MCAM: variants seen among roughly 807,000 people sequenced by gnomAD.
MCAM encodes the protein melanoma cell adhesion molecule.
MCAM carries 55 observed loss-of-function variants against 79.1 expected under a neutral mutation model. The ratio of observed to expected loss-of-function variants is 0.70; its 90% CI spans 0.56 to 0.87. The LOEUF is 0.87. Ranked by LOEUF, MCAM falls within the 40% of genes least tolerant of loss-of-function variation. MCAM has a pLI of 0.00. For synonymous variants in MCAM, 330 were observed against 339.8 expected (o/e 0.97, Z 0.32); for missense variants, 745 against 839.8 (o/e 0.89, Z 1.40).
At position 119,315,432 on chromosome 11, in the gene MCAM, C is replaced by G. The variant is rs1200429137; in HGVS notation, c.68-169G>C. Reference sequence around the variant, plus strand: ...CCGACCCGCGCCCCACCTGGGCCAGCCCTCTCCCCGTCCAGGAGATCCCAG... The same window carrying G: ...CCGACCCGCGCCCCACCTGGGCCAGGCCTCTCCCCGTCCAGGAGATCCCAG... On this transcript the variant is annotated intron_variant, in intron 1 of 15. Coordinates refer to ENST00000264036, the MANE Select transcript of MCAM (RefSeq NM_006500.3). This position sits in a 1 kb window ranked among gnomAD's most constrained non-coding sequence, Gnocchi z 4.4. 1 of 776,124 alleles carries G rather than the reference C, an allele frequency of 1.3e-6. No individual in the cohort carries two copies. Among genetic ancestry groups the G allele is most frequent in the Non-Finnish European group, 2.0e-6 (1 of 495,500 alleles). The allele number at this position is 776,124 out of a possible 1,614,324, so 48.1% of individuals were successfully genotyped here. A position where few individuals can be genotyped will look rare whatever the true frequency, so the allele number is the denominator to read the frequency against.
Position 119,312,804 on chromosome 11 carries a change from C to T in MCAM, c.705G>A (p.Met235Ile), listed in dbSNP as rs1950254244. The T allele has an allele frequency of 1.9e-6, 3 of 1,614,210 alleles. No homozygotes were observed. The highest frequency in any genetic ancestry group is 1.6e-4 in the Middle Eastern group (1 of 6,062). Residue 235 changes from methionine to isoleucine, a missense_variant, in exon 6 of 16, where the codon ATG becomes ATA. By Grantham distance (10) the Met-to-Ile change is conservative. Transcript: ENST00000264036. The surrounding 1 kb of genome is among the most constrained non-coding windows in gnomAD (Gnocchi z 4.9). ...LNYRLPSGNH[M>I]KESREVTVPV... ...GGACGGTGACTTCCCTGGACTCCTT[C>T]ATGTGGTTCCCACTGGGCAGCCGGT...
Position 119,315,327 on chromosome 11 carries a change from C to T in MCAM, c.68-64G>A. 5 of 1,543,072 alleles carry T rather than the reference C, an allele frequency of 3.2e-6. No individual in the cohort carries two copies. The highest frequency in any genetic ancestry group is 4.4e-6 in the Non-Finnish European group (5 of 1,148,076). ...TCCGGCTGCTGTCCGCCCCTCCCCT[C>T]GCAGCGCTGCTGCAGCTGTTTTTCC... On this transcript the variant is annotated intron_variant, in intron 1 of 15. Coordinates refer to ENST00000264036, the MANE Select transcript of MCAM (RefSeq NM_006500.3). This position sits in a 1 kb window ranked among gnomAD's most constrained non-coding sequence, Gnocchi z 4.4.
At chr11:119,313,005 C>A in intron 5 of MCAM, 56 bp from the exon 6 acceptor site, 1 of 1,610,702 alleles carries the variant, frequency 6.2e-7, no homozygotes. Flanking sequence ...CCAGCCCCAC[C>A]CTAGGGTTGT....
At position 119,311,697 on chromosome 11, in the gene MCAM, C is replaced by T; in HGVS notation, c.1286-46G>A. ...TGAGGTGGCAAGCCCAGCTAGCCTG[C>T]CTCCCCCTCCGCACCAGAGCTCCCC... is the stretch of plus-strand genomic sequence containing the variant. On this transcript the variant is annotated intron_variant, in intron 10 of 15. Transcript: ENST00000264036. The surrounding 1 kb of genome is among the most constrained non-coding windows in gnomAD (Gnocchi z 4.4). 1 of 1,612,064 alleles carries T rather than the reference C, an allele frequency of 6.2e-7. No individual in the cohort carries two copies. Among genetic ancestry groups the T allele is most frequent in the Non-Finnish European group, 8.5e-7 (1 of 1,178,736 alleles).
rs760803136 is a variant in MCAM, at chr11:119,312,090, T to C, written c.1105A>G (p.Ser369Gly). ...CACTGGAACTCGAGGTCCTGGCTAC[T>C]CTCTGCCTCACAGGTCAGGGTGAGG... ...SSLTLTCEAE[S>G]SQDLEFQWLR... The change falls in exon 9 of 16, where the codon AGT (serine) becomes GGT (glycine). Residue 369 changes from serine to glycine, a missense_variant. Coordinates refer to ENST00000264036, the MANE Select transcript of MCAM (RefSeq NM_006500.3). The surrounding 1 kb of genome is among the most constrained non-coding windows in gnomAD (Gnocchi z 4.9). 1 of 1,606,472 alleles carries C rather than the reference T, an allele frequency of 6.2e-7. No homozygotes were observed. The highest frequency in any genetic ancestry group is 1.1e-5 in the South Asian group (1 of 90,764).
Position 119,311,907 on chromosome 11 carries a change from C to T in MCAM, c.1186G>A (p.Asp396Asn). ...CCGCCTCCTGCCTCCCGTTTCAGGT[C>T]ATGCAACTGAAGCACAGGCCCCCTT... ...LERGPVLQLH[D>N]LKREAGGGYR... Residue 396 changes from aspartate (D) to asparagine (N), a missense_variant, in exon 10 of 16, where the codon GAC (aspartate) becomes AAC (asparagine). Transcript: ENST00000264036. This position sits in a 1 kb window ranked among gnomAD's most constrained non-coding sequence, Gnocchi z 4.4. The T allele has an allele frequency of 6.2e-7, 1 of 1,614,056 alleles. No homozygotes were observed. Among genetic ancestry groups the T allele is most frequent in the East Asian group, 2.2e-5 (1 of 44,872 alleles).
In MCAM at chr11:119,310,402, C is replaced by G; in HGVS notation, c.1858G>C (p.Glu620Gln). 6.2e-7 allele frequency: 1 copy of G among 1,614,164 alleles called. No homozygotes were observed. The highest frequency in any genetic ancestry group is 8.5e-7 in the Non-Finnish European group (1 of 1,179,998). Residue 620 changes from glutamate to glutamine, a missense_variant, in exon 15 of 16, where the codon GAG becomes CAG. Transcript: ENST00000264036. ...CTGCTGCCCTGCAGGAGGCCCATCT[C>G]TTCTGGGAGCTTATCTGACTTAACT... ...VEVKSDKLPE[E>Q]MGLLQGSSGD...
At chr11:119,310,272 TAGAG>T (rs1053485163) in intron 15 of MCAM, 73 bp downstream of exon 15, 108 of 958,874 alleles carry the variant, frequency 1.1e-4, no homozygotes, top group Non-Finnish European at 1.5e-4. Context: ...GGATGAAGGA[TAGAG>T]AGAACCGTTA....
rs1422211063 is a variant in MCAM at position 119,310,448 on chromosome 11, A to C, written c.1812T>G (p.Arg604=). ...TAACTTCAACTACAAGTTCGCTCTT[A>C]CGAGACGGGGGTAGCGTGCTGGGAG... ...GKQEITLPPS[R]KSELVVEVKS... Residue 604 remains arginine, a synonymous_variant, in exon 15 of 16, where the codon CGT becomes CGG. Transcript: ENST00000264036. 3.7e-6 allele frequency: 6 copies of C among 1,613,084 alleles called. No homozygotes were observed. The highest frequency in any genetic ancestry group is 5.1e-6 in the Non-Finnish European group (6 of 1,179,120).
Position 119,316,994 on chromosome 11 carries a change from G to A in MCAM, c.67+41C>T. The stretch of plus-strand genomic sequence containing the variant: ...CTGCTCCCTGGCACGCTCCACCGCA[G>A]ACCCCTAGCCGGGGCGCGGCCCCCC... On this transcript the variant is annotated intron_variant, in intron 1 of 15. Transcript: ENST00000264036. The surrounding 1 kb of genome is among the most constrained non-coding windows in gnomAD (Gnocchi z 4.8). 6.7e-7 allele frequency: 1 copy of A among 1,500,222 alleles called. No individual in the cohort carries two copies. The highest frequency in any genetic ancestry group is 8.9e-7 in the Non-Finnish European group (1 of 1,120,300). The allele number at this position is 1,500,222 out of a possible 1,614,324, so 92.9% of individuals were successfully genotyped here.
rs980164376 is a variant in MCAM at position 119,309,640 on chromosome 11, G to T, written c.*246C>A. The T allele has an allele frequency of 3.6e-6, 2 of 551,270 alleles. No individual in the cohort carries two copies. Among genetic ancestry groups the T allele is most frequent in the Non-Finnish European group, 6.4e-6 (2 of 311,630 alleles). The allele number at this position is 551,270 out of a possible 1,614,324, so 34.1% of individuals were successfully genotyped here. A position where few individuals can be genotyped will look rare whatever the true frequency, so the allele number is the denominator to read the frequency against. On this transcript the variant is annotated 3_prime_UTR_variant, in exon 16 of 16. Coordinates refer to ENST00000264036, the MANE Select transcript of MCAM (RefSeq NM_006500.3). Reference sequence around the variant, plus strand: ...TCTCCTACCCGCTCGGGAGACTGGGGCTCCTTGCTTGGGATGAGCTTCACT... The same window carrying T: ...TCTCCTACCCGCTCGGGAGACTGGGTCTCCTTGCTTGGGATGAGCTTCACT...
In MCAM at chr11:119,311,251, G is replaced by A. The variant is rs1300068907; in HGVS notation, c.1549+29C>T. Reference sequence around the variant, plus strand: ...ACTGCCCGTGCCTGGGCCTGCCCCTGCCATCCCCTGCAGGGATGCAGCCCT... The same window carrying A: ...ACTGCCCGTGCCTGGGCCTGCCCCTACCATCCCCTGCAGGGATGCAGCCCT... On this transcript the variant is annotated intron_variant, in intron 12 of 15. Transcript: ENST00000264036. This position sits in a 1 kb window ranked among gnomAD's most constrained non-coding sequence, Gnocchi z 4.4. 3.1e-6 allele frequency: 5 copies of A among 1,613,482 alleles called. No homozygotes were observed. Among genetic ancestry groups the A allele is most frequent in the Non-Finnish European group, 4.2e-6 (5 of 1,179,442 alleles).
rs1219177598 is a variant in MCAM at position 119,316,966 on chromosome 11, G to T, written c.67+69C>A. On this transcript the variant is annotated intron_variant, in intron 1 of 15. Coordinates refer to ENST00000264036, the MANE Select transcript of MCAM (RefSeq NM_006500.3). This position sits in a 1 kb window ranked among gnomAD's most constrained non-coding sequence, Gnocchi z 4.8. ...ACGCCCCGACCCCGCCGCGCCGCTG[G>T]CTCTGCTCCCTGGCACGCTCCACCG... The T allele has an allele frequency of 2.9e-6, 4 of 1,372,494 alleles. No homozygotes were observed. The African/African-American group carries it at 4.5e-5, about 15-fold the overall frequency. The allele number at this position is 1,372,494 out of a possible 1,614,324, so 85.0% of individuals were successfully genotyped here.
At position 119,315,009 on chromosome 11, in the gene MCAM, C is replaced by A. The variant is rs1220671330; in HGVS notation, c.224G>T (p.Arg75Leu). The A allele has an allele frequency of 6.2e-7, 1 of 1,608,940 alleles. No individual in the cohort carries two copies. The highest frequency in any genetic ancestry group is 1.3e-5 in the African/African-American group (1 of 74,916). ...VHKEKRTLIF[R>L]VRQGQGQSEP... Reference sequence around the variant, plus strand: ...GCTCTGGCCCTGGCCCTGGCGCACACGGAAGATGAGCGTCCGCTTCTCCTT... The same window carrying A: ...GCTCTGGCCCTGGCCCTGGCGCACAAGGAAGATGAGCGTCCGCTTCTCCTT... Residue 75 changes from arginine to leucine, a missense_variant, in exon 3 of 16, where the codon CGT becomes CTT. By Grantham distance (102) the Arg-to-Leu change is moderately radical (BLOSUM62 -2). Coordinates refer to ENST00000264036, the MANE Select transcript of MCAM (RefSeq NM_006500.3). This position sits in a 1 kb window ranked among gnomAD's most constrained non-coding sequence, Gnocchi z 4.4.
rs1950243476 is a variant in MCAM, at chr11:119,312,165, A to G, written c.1030T>C (p.Ser344Pro). ...EPQELLVNYV[S>P]DVRVSPAAPE... Reference sequence around the variant, plus strand: ...GCTGCGGGACTCACTCGGACGTCAGACACATCTGGGGGTACAGCAATCATG... The same window carrying G: ...GCTGCGGGACTCACTCGGACGTCAGGCACATCTGGGGGTACAGCAATCATG... The change falls in exon 9 of 16, where the codon TCT (serine) becomes CCT (proline). Residue 344 changes from serine (S) to proline (P), a missense_variant. Physicochemically the swap from Ser to Pro is moderately conservative, Grantham distance 74. Coordinates refer to ENST00000264036, the MANE Select transcript of MCAM (RefSeq NM_006500.3). This position sits in a 1 kb window ranked among gnomAD's most constrained non-coding sequence, Gnocchi z 4.9. The G allele has an allele frequency of 6.2e-7, 1 of 1,612,580 alleles. No homozygotes were observed. Among genetic ancestry groups the G allele is most frequent in the Non-Finnish European group, 8.5e-7 (1 of 1,179,206 alleles).
At position 119,309,818 on chromosome 11, in the gene MCAM, G is replaced by A. The variant is rs1487067137; in HGVS notation, c.*68C>T. The A allele has an allele frequency of 1.4e-6, 2 of 1,475,934 alleles. No individual in the cohort carries two copies. The highest frequency in any genetic ancestry group is 9.3e-7 in the Non-Finnish European group (1 of 1,071,898). The allele number at this position is 1,475,934 out of a possible 1,614,324, so 91.4% of individuals were successfully genotyped here. A position where few individuals can be genotyped will look rare whatever the true frequency, so the allele number is the denominator to read the frequency against. On this transcript the variant is annotated 3_prime_UTR_variant, in exon 16 of 16. Transcript: ENST00000264036. ...CTCTCTAGTCCCTTTGGAGGCTTTG[G>A]CTGAGAGAAGAGTGAGCAGGGAGCT...
chr11:119,311,005 C>T lies in MCAM; in HGVS notation c.1645+85G>A. 1 of 1,613,922 alleles carries T rather than the reference C, an allele frequency of 6.2e-7. No homozygotes were observed. The highest frequency in any genetic ancestry group is 8.5e-7 in the Non-Finnish European group (1 of 1,179,842). On this transcript the variant is annotated intron_variant, in intron 13 of 15. Transcript: ENST00000264036. This position sits in a 1 kb window ranked among gnomAD's most constrained non-coding sequence, Gnocchi z 4.4. ...GCCGACAAGATGGGGCTGCTACTCA[C>T]CTTTCTGGACAGGGCTCTCTGGGGA...
chr11:119,310,826 G>C lies in MCAM; in HGVS notation c.1723C>G (p.Leu575Val). 1 of 1,614,192 alleles carries C rather than the reference G, an allele frequency of 6.2e-7. No homozygotes were observed. The highest frequency in any genetic ancestry group is 8.5e-7 in the Non-Finnish European group (1 of 1,180,026). ...TAGAGGAAATAGAGGACAGCGCCCAGCACCGCCAGGACCAGGATGCACACA... is the reference window on the plus strand; with the variant it reads ...TAGAGGAAATAGAGGACAGCGCCCACCACCGCCAGGACCAGGATGCACACA... ...VIVCILVLAV[L>V]GAVLYFLYKK... Residue 575 changes from leucine (L) to valine (V), a missense_variant, in exon 14 of 16, where the codon CTG becomes GTG. Physicochemically the swap from Leu to Val is conservative, Grantham distance 32. Coordinates refer to ENST00000264036, the MANE Select transcript of MCAM (RefSeq NM_006500.3).
In MCAM at chr11:119,317,086, G is replaced by T; in HGVS notation, c.16C>A (p.Leu6Met). Reference protein sequence around the residue: MGLPRLVCAFLLAACC... With the variant: MGLPRMVCAFLLAACC... The stretch of plus-strand genomic sequence containing the variant: ...GCGGCGAGCAAGAAGGCGCAGACCA[G>T]CCTGGGAAGCCCCATGCTTCCCGGC... Residue 6 changes from leucine to methionine, a missense_variant, in exon 1 of 16, where the codon CTG (leucine) becomes ATG (methionine). Physicochemically the swap from Leu to Met is conservative, Grantham distance 15 (BLOSUM62 2). Coordinates refer to ENST00000264036, the MANE Select transcript of MCAM (RefSeq NM_006500.3). This position sits in a 1 kb window ranked among gnomAD's most constrained non-coding sequence, Gnocchi z 6.2. The T allele has an allele frequency of 6.5e-7, 1 of 1,531,740 alleles. No homozygotes were observed. The allele number at this position is 1,531,740 out of a possible 1,614,324, so 94.9% of individuals were successfully genotyped here.
Sources: gnomAD v4.1 joint callset for allele counts on GRCh38, gnomAD v4.1.1 for gene constraint, Gnocchi (gnomAD v3.1) non-coding constraint, MANE v1.5 for transcripts, NCBI Gene and HGNC (gene_info 2026-07-23, HGNC 2026-07-21) for gene names.